CACNB4: variants seen among roughly 807,000 people sequenced by gnomAD.
CACNB4 encodes calcium voltage-gated channel auxiliary subunit beta 4, also known as voltage-dependent L-type calcium channel subunit beta-4.
CACNB4 carries 32 observed loss-of-function variants against 71.2 expected under a neutral mutation model. The ratio of observed to expected loss-of-function variants is 0.45; its 90% CI spans 0.34 to 0.60. The LOEUF (loss-of-function observed/expected upper bound fraction) is 0.60. CACNB4 is among the 20% of genes least tolerant of loss of function. The pLI, the probability that CACNB4 is intolerant of heterozygous loss-of-function variation, is 0.01. For synonymous variants in CACNB4, 231 were observed against 236.9 expected, an observed-to-expected ratio of 0.97 and a Z score of 0.23; for missense variants, 464 against 647.9, an observed-to-expected ratio of 0.72 and a Z score of 3.08.
At position 152,008,152 on chromosome 2, in the gene CACNB4, A is replaced by C. The variant is rs182811048; in HGVS notation, c.147+90178T>G. Among the ~76,000 whole-genome samples the C allele has an allele frequency of 3.5e-3, 536 of 152,106 alleles. 6 individuals carry two copies. The highest frequency in any genetic ancestry group is 0.013 in the African/African-American group (521 of 41,494). On this transcript the variant is annotated intron_variant, in intron 2 of 13. Transcript: ENST00000539935. Reference sequence around the variant, plus strand: ...TTTACATTTCCACAAGCAATGCATAAGAGTTCCCATTTCTCCACATGCTTT... The same window carrying C: ...TTTACATTTCCACAAGCAATGCATACGAGTTCCCATTTCTCCACATGCTTT...
At chr2:151,893,545 T>C (rs545080031) in intron 2 of CACNB4, among the ~76,000 whole-genome samples, 1 of 152,254 alleles carries the variant, frequency 6.6e-6, no homozygotes, top group African/African-American at 2.4e-5. Flanking sequence ...CTCAGTCTTA[T>C]AGCTTATATA....
intron 2 of CACNB4, among the ~76,000 whole-genome samples, chr2:151,885,153 T>C (rs1231258520): frequency 6.6e-6 from 1 of 152,206 alleles, no homozygotes; most frequent in Admixed American, 6.5e-5. Flanking sequence ...GAGTGCCCAG[T>C]CAAGTCCTGG....
intron 2 of CACNB4, among the ~76,000 whole-genome samples, chr2:151,907,754 T>C (rs2099855159): frequency 6.6e-6 from 1 of 152,216 alleles, no homozygotes; most frequent in Admixed American, 6.5e-5. Context: ...CTCTGACATG[T>C]GATGGATAGG....
intron 2 of CACNB4, among the ~76,000 whole-genome samples, chr2:152,028,869 G>A (rs1036308907): frequency 6.6e-6 from 1 of 152,234 alleles, no homozygotes; most frequent in Non-Finnish European, 1.5e-5. Flanking sequence ...AAGTGCTAGG[G>A]ATGGAAAACT....
At chr2:151,994,025 A>G (rs1463617643) in intron 2 of CACNB4, among the ~76,000 whole-genome samples, 1 of 151,852 alleles carries the variant, frequency 6.6e-6, no homozygotes, top group African/African-American at 2.4e-5. Flanking sequence ...TTTAAAAATT[A>G]GCTGAGTATG....
chr2:152,056,049 C>T (rs549198477), intron 2 of CACNB4, among the ~76,000 whole-genome samples: 1 of 152,230 alleles, frequency 6.6e-6, no homozygotes, highest in African/African-American at 2.4e-5. Context: ...TTCATCAATA[C>T]CCGCAAGATT....
At chr2:151,914,967 G>A (rs948781822) in intron 2 of CACNB4, among the ~76,000 whole-genome samples, 2 of 152,176 alleles carry the variant, frequency 1.3e-5, no homozygotes, top group Non-Finnish European at 2.9e-5. Context: ...GAGTGGCACG[G>A]GGAGCAGGAC....
At chr2:151,912,288 T>G in intron 2 of CACNB4, among the ~76,000 whole-genome samples, 1 of 152,234 alleles carries the variant, frequency 6.6e-6, no homozygotes, top group East Asian at 1.9e-4. Flanking sequence ...TTTCTAGCTT[T>G]CTGATGTGGG....
intron 2 of CACNB4, among the ~76,000 whole-genome samples, chr2:151,959,149 T>C (rs2099869019): frequency 1.3e-5 from 2 of 152,346 alleles, no homozygotes; most frequent in East Asian, 1.9e-4. Flanking sequence ...GATAGGATAA[T>C]GGACACTTTT....
At chr2:151,890,595 T>G (rs575857994) in intron 2 of CACNB4, among the ~76,000 whole-genome samples, 474 of 152,310 alleles carry the variant, frequency 3.1e-3, no homozygotes, top group Non-Finnish European at 5.2e-3. Flanking sequence ...CTATAAAATC[T>G]GGTGCAAAAA....
chr2:151,955,297 AT>A (rs1430870844), intron 2 of CACNB4, among the ~76,000 whole-genome samples: 4 of 152,230 alleles, frequency 2.6e-5, no homozygotes, highest in African/African-American at 9.6e-5. Flanking sequence ...TCATAGAGCT[AT>A]AGCATTCATC....
intron 12 of CACNB4, among the ~76,000 whole-genome samples, chr2:151,849,578 T>C (rs1201350387): frequency 6.6e-6 from 1 of 152,090 alleles, no homozygotes; most frequent in Non-Finnish European, 1.5e-5. Flanking sequence ...CCCAGCTCTT[T>C]GTGAGTATTT....
chr2:151,874,425 G>A (rs770612), intron 5 of CACNB4, among the ~76,000 whole-genome samples: 101,456 of 150,028 alleles, frequency 0.68, 37,163 homozygotes, highest in Non-Finnish European at 0.82. Context: ...CCAAAATTGC[G>A]CCACTGCACT....
chr2:151,928,465 T>A (rs573719895), intron 2 of CACNB4, among the ~76,000 whole-genome samples: 1 of 152,302 alleles, frequency 6.6e-6, no homozygotes, highest in African/African-American at 2.4e-5. Context: ...AGGCAGTCCC[T>A]AAAGGGACAG....
At chr2:151,856,952 A>ATAC (rs2099840469) in intron 10 of CACNB4, 1 of 152,204 alleles carries the variant, frequency 6.6e-6, no homozygotes, top group South Asian at 2.1e-4. Flanking sequence ...AGTCCAAGCA[A>ATAC]TCCTCCTGCC....
intron 2 of CACNB4, among the ~76,000 whole-genome samples, chr2:151,947,152 C>T (rs1008376337): frequency 6.6e-6 from 1 of 152,216 alleles, no homozygotes; most frequent in Non-Finnish European, 1.5e-5. Flanking sequence ...CCCTCCACAG[C>T]CTGCAGAAGG....
chr2:151,906,045 T>C (rs971161048), intron 2 of CACNB4, among the ~76,000 whole-genome samples: 1 of 152,212 alleles, frequency 6.6e-6, no homozygotes, highest in Admixed American at 6.5e-5. Context: ...AGCACATGCA[T>C]GCACACACAT....
At chr2:151,954,515 A>G (rs2099867684) in intron 2 of CACNB4, among the ~76,000 whole-genome samples, 2 of 152,168 alleles carry the variant, frequency 1.3e-5, no homozygotes, top group Non-Finnish European at 2.9e-5. Context: ...TGATTTCCTG[A>G]AATTTGTTGT....
At chr2:152,073,576 T>C (rs1686820236) in intron 2 of CACNB4, among the ~76,000 whole-genome samples, 1 of 152,202 alleles carries the variant, frequency 6.6e-6, no homozygotes, top group Non-Finnish European at 1.5e-5. Context: ...GATTGCTAAG[T>C]ATTTAAATAA....
Sources: allele counts gnomAD v4.1 joint callset (sites outside exome capture counted in the v4.1 genomes callset), GRCh38; gene constraint gnomAD v4.1.1; transcripts MANE v1.5; gene names NCBI Gene and HGNC (gene_info 2026-07-23, HGNC 2026-07-21).